Variants in KCNQ5 observed in about 807,000 individuals in gnomAD.
The protein encoded by KCNQ5 is potassium voltage-gated channel subfamily KQT member 5.
In KCNQ5, 30 loss-of-function variants were observed where a neutral mutation model predicts 98.2. The observed-to-expected ratio is 0.31, with a 90% CI of 0.23 to 0.41. The LOEUF (loss-of-function observed/expected upper bound fraction) is 0.41, where lower values mean the gene tolerates loss of function less well. KCNQ5 is among the 10% of genes least tolerant of loss of function. The pLI is 1.00. For synonymous variants in KCNQ5, 458 were observed against 449.4 expected (o/e 1.02, Z -0.24); for missense variants, 835 against 1,182.5 (o/e 0.71, Z 4.31).
At chr6:72,811,946 A>T (rs573851985) in intron 1 of KCNQ5, among the ~76,000 whole-genome samples, 52 of 152,260 alleles carry the variant, frequency 3.4e-4, no homozygotes, top group African/African-American at 1.2e-3. Context: ...TGGAGTAGTC[A>T]TGAGATTTCT....
In KCNQ5 at chr6:73,194,916, C is replaced by T. The variant is rs1365063817; in HGVS notation, c.2301C>T (p.His767=). The part of the protein sequence containing the change: ...IKHLPRPETL[H]PNPAGLQESI... ...ATCTGCCCAGGCCAGAAACTCTGCA[C>T]CCTAACCCTGCAGGCTTACAGGAAA... The change falls in exon 14 of 14, where the codon CAC becomes CAT. Residue 767 remains histidine (H), a synonymous_variant. Transcript: ENST00000370398. The T allele has an allele frequency of 1.2e-6, 2 of 1,614,202 alleles. No individual in the cohort carries two copies. Among genetic ancestry groups the T allele is most frequent in the South Asian group, 2.2e-5 (2 of 91,084 alleles).
At chr6:72,955,839 G>A (rs1340372918) in intron 1 of KCNQ5, among the ~76,000 whole-genome samples, 4 of 152,120 alleles carry the variant, frequency 2.6e-5, no homozygotes, top group African/African-American at 9.7e-5. Context: ...AGGAATGCTC[G>A]AGCCCGGGAG....
intron 11 of KCNQ5, among the ~76,000 whole-genome samples, chr6:73,181,558 G>A (rs1778405489): frequency 6.6e-6 from 1 of 152,172 alleles, no homozygotes; most frequent in Admixed American, 6.5e-5. Context: ...TGAAACTTTA[G>A]ACCTCTCTCA....
chr6:72,982,985 A>G (rs988772260), intron 1 of KCNQ5, among the ~76,000 whole-genome samples: 8 of 152,192 alleles, frequency 5.3e-5, no homozygotes, highest in African/African-American at 1.7e-4. Flanking sequence ...CTTTAAGAAT[A>G]TTGAATATTT....
At position 73,006,896 on chromosome 6, in the gene KCNQ5, G is replaced by A. The variant is rs144629199; in HGVS notation, c.489+2898G>A. The stretch of plus-strand genomic sequence containing the variant: ...TATTTCTGTGCAAGTGAAAGGCACC[G>A]ACACTTGTGACAGGGAGCACACTAC... On this transcript the variant is annotated intron_variant, in intron 2 of 13. Coordinates refer to ENST00000370398, the MANE Select transcript of KCNQ5 (RefSeq NM_019842.4). 4.1e-3 allele frequency among the ~76,000 whole-genome samples: 630 copies of A among 152,110 alleles called. 2 individuals are homozygous for A. Among genetic ancestry groups the A allele is most frequent in the African/African-American group, 0.014 (597 of 41,486 alleles).
chr6:73,095,918 T>G (rs570211631), intron 5 of KCNQ5, among the ~76,000 whole-genome samples: 60 of 152,170 alleles, frequency 3.9e-4, no homozygotes, highest in Admixed American at 3.9e-3. Context: ...GACACACTAG[T>G]GGGCAATTTA....
At chr6:72,951,756 T>G (rs1268317910) in intron 1 of KCNQ5, among the ~76,000 whole-genome samples, 1 of 152,234 alleles carries the variant, frequency 6.6e-6, no homozygotes, top group Non-Finnish European at 1.5e-5. Context: ...GAAGAGATAC[T>G]TTCTTAGGGA....
chr6:72,775,162 C>T (rs550104777), intron 1 of KCNQ5, among the ~76,000 whole-genome samples: 1 of 152,218 alleles, frequency 6.6e-6, no homozygotes, highest in East Asian at 1.9e-4. Flanking sequence ...TGGAAAGACA[C>T]TGTGATATAT....
rs553299088 is a variant in KCNQ5, at chr6:72,897,810, A to G, written c.399-106098A>G. On this transcript the variant is annotated intron_variant, in intron 1 of 13. Transcript: ENST00000370398. ...CTTTGTTGGGGATGGGGGCCAGTGG[A>G]AGGGAAATATTTCTGAAACTAATTT... Among the ~76,000 whole-genome samples, 7 of 152,248 alleles carry G rather than the reference A, an allele frequency of 4.6e-5. No homozygotes were observed. The South Asian group carries it at 1.2e-3, about 27-fold the overall frequency.
intron 1 of KCNQ5, among the ~76,000 whole-genome samples, chr6:72,680,025 A>G (rs959209349): frequency 1.8e-4 from 27 of 152,246 alleles, no homozygotes; most frequent in African/African-American, 2.7e-4. Context: ...GCTGGGTGAC[A>G]GAGCAAGGCT....
intron 1 of KCNQ5, among the ~76,000 whole-genome samples, chr6:72,733,712 AGT>A (rs1322936912): frequency 6.6e-6 from 1 of 152,200 alleles, no homozygotes; most frequent in African/African-American, 2.4e-5. Flanking sequence ...AACCTGGATA[AGT>A]GTGGCTAAGA....
At chr6:72,825,488 CA>C (rs1374782493) in intron 1 of KCNQ5, among the ~76,000 whole-genome samples, 1 of 152,188 alleles carries the variant, frequency 6.6e-6, no homozygotes, top group Non-Finnish European at 1.5e-5. Flanking sequence ...TCACTGAGTG[CA>C]GACTGGAACT....
At chr6:73,116,238 A>G (rs566008089) in intron 7 of KCNQ5, among the ~76,000 whole-genome samples, 5 of 152,326 alleles carry the variant, frequency 3.3e-5, no homozygotes, top group South Asian at 2.1e-4. Context: ...TGATATTAAA[A>G]TGTTGATAGG....
intron 1 of KCNQ5, among the ~76,000 whole-genome samples, chr6:72,668,861 GA>G (rs1766956679): frequency 6.6e-6 from 1 of 151,762 alleles, no homozygotes; most frequent in African/African-American, 2.4e-5. Context: ...AGCCTTCTTA[GA>G]AGGACATTAG....
At chr6:72,896,943 G>A (rs7774917) in intron 1 of KCNQ5, among the ~76,000 whole-genome samples, 5 of 151,758 alleles carry the variant, frequency 3.3e-5, no homozygotes, top group Admixed American at 3.3e-4. Context: ...TTTGTTTGTT[G>A]GTTGGTTGGT....
intron 1 of KCNQ5, among the ~76,000 whole-genome samples, chr6:72,996,934 C>T (rs1030704617): frequency 2.6e-5 from 4 of 152,136 alleles, no homozygotes; most frequent in African/African-American, 9.7e-5. Context: ...TAAAACCAAC[C>T]TCAAACATCT....
intron 1 of KCNQ5, among the ~76,000 whole-genome samples, chr6:72,892,028 A>G (rs906541747): frequency 6.6e-6 from 1 of 152,166 alleles, no homozygotes; most frequent in African/African-American, 2.4e-5. Context: ...CTTTCTCATT[A>G]GATTTAGAGC....
intron 3 of KCNQ5, among the ~76,000 whole-genome samples, chr6:73,067,705 G>T (rs1272798364): frequency 1.3e-5 from 2 of 152,050 alleles, no homozygotes; most frequent in African/African-American, 2.4e-5. Flanking sequence ...AATAAATGTT[G>T]CCCATTTCTC....
At chr6:72,807,865 G>T (rs1332709297) in intron 1 of KCNQ5, among the ~76,000 whole-genome samples, 2 of 152,164 alleles carry the variant, frequency 1.3e-5, no homozygotes, top group Non-Finnish European at 2.9e-5. Context: ...GTGGAAAAGT[G>T]TTCCAGGCAG....
Sources: allele counts gnomAD v4.1 joint callset (sites outside exome capture counted in the v4.1 genomes callset), GRCh38; gene constraint gnomAD v4.1.1; transcripts MANE v1.5; gene names NCBI Gene and HGNC (gene_info 2026-07-23, HGNC 2026-07-21).